The following CDK12 variants were observed in gnomAD, a reference collection of about 807,000 sequenced individuals.
The protein encoded by CDK12 is cyclin-dependent kinase 12.
CDK12 carries 17 observed loss-of-function variants against 133.8 expected under a neutral mutation model. That is an observed-to-expected ratio of 0.13 (90% CI 0.09 to 0.19). The LOEUF (loss-of-function observed/expected upper bound fraction) is 0.19. Among genes scored for constraint, CDK12 ranks in the 10% least tolerant of loss-of-function variants. The pLI is 1.00. For synonymous variants in CDK12, 694 were observed against 683.6 expected (o/e 1.02, Z -0.24); for missense variants, 1,508 against 1,818.7 (o/e 0.83, Z 3.11).
intron 3 of CDK12, among the ~76,000 whole-genome samples, chr17:39,491,388 C>T (rs2051588661): frequency 6.6e-6 from 1 of 152,068 alleles, no homozygotes; most frequent in Admixed American, 6.6e-5. Context: ...AGGCACGTGC[C>T]ACCACGCCAG....
At position 39,490,705 on chromosome 17, in the gene CDK12, C is replaced by T. The variant is rs1429309848; in HGVS notation, c.2080C>T (p.Pro694Ser). 6.2e-7 allele frequency: 1 copy of T among 1,611,570 alleles called. No homozygotes were observed. Among genetic ancestry groups the T allele is most frequent in the Admixed American group, 1.7e-5 (1 of 59,166 alleles). The change falls in exon 3 of 14, where the codon CCT (proline) becomes TCT (serine). Residue 694 changes from proline (P) to serine (S), a missense_variant. Transcript: ENST00000447079. ...TCCAGAACCAAAGGCAATCACACCA[C>T]CTCAGCAACCATATAAAAAGAGACC... ...DSPEPKAITPPQQPYKKRPKI... is the reference protein window; with the variant it reads ...DSPEPKAITPSQQPYKKRPKI...
chr17:39,474,651 T>C (rs964655110), intron 2 of CDK12, among the ~76,000 whole-genome samples: 1 of 151,998 alleles, frequency 6.6e-6, no homozygotes, highest in Non-Finnish European at 1.5e-5. Context: ...ATTGCAGCCC[T>C]CTGGGTGAGA....
rs1567677231 is a variant in CDK12, at chr17:39,466,615, G to GGAAAA, written c.1046+3498_1046+3499insGAAAA. On this transcript the variant is annotated intron_variant, in intron 1 of 13. Coordinates refer to ENST00000447079, the MANE Select transcript of CDK12 (RefSeq NM_016507.4). Reference sequence around the variant, plus strand: ...GGGCAACAAGAGTGAAACTCTATCTGAAAAAAAAAAAAAAAAAAAAAAAAA... The same window carrying GGAAAA: ...GGGCAACAAGAGTGAAACTCTATCTGGAAAAAAAAAAAAAAAAAAAAAAAAAAAAA... Among the ~76,000 whole-genome samples the GGAAAA allele has an allele frequency of 6.4e-5, 2 of 31,434 alleles. 1 individual carries two copies. Among genetic ancestry groups the GGAAAA allele is most frequent in the Non-Finnish European group, 1.2e-4 (2 of 16,764 alleles). 20.6% of individuals were successfully genotyped at this position (31,434 alleles called of 152,430 possible).
At chr17:39,494,036 A>C (rs1056056348) in intron 4 of CDK12, among the ~76,000 whole-genome samples, 1 of 152,068 alleles carries the variant, frequency 6.6e-6, no homozygotes, top group African/African-American at 2.4e-5. Context: ...AATTAAAGCC[A>C]GGAAAGGGAA....
chr17:39,461,872 C>T lies in CDK12; in HGVS notation c.-200C>T, dbSNP rs935641945. 1.2e-5 allele frequency: 7 copies of T among 590,748 alleles called. No homozygotes were observed. The highest frequency in any genetic ancestry group is 1.1e-4 in the African/African-American group (6 of 53,682). The allele number at this position is 590,748 out of a possible 1,614,324, so 36.6% of individuals were successfully genotyped here. ...GCCGAGGAACTCTCATTTCTTCCCT[C>T]GCTCCTTCACCCCCCACCTCATGTA... On this transcript the variant is annotated 5_prime_UTR_variant, in exon 1 of 14. Coordinates refer to ENST00000447079, the MANE Select transcript of CDK12 (RefSeq NM_016507.4).
At chr17:39,520,225 T>TA in intron 11 of CDK12, 138 bp downstream of exon 11, 1 of 850,726 alleles carries the variant, frequency 1.2e-6, no homozygotes, top group East Asian at 2.6e-5. Context: ...AGGTTTGTTT[T>TA]TTTTGTTTTA....
intron 2 of CDK12, among the ~76,000 whole-genome samples, chr17:39,490,002 G>C (rs796704769): frequency 3.2e-4 from 49 of 151,588 alleles, no homozygotes; most frequent in African/African-American, 1.1e-3. Context: ...TTAAGAGTTT[G>C]ATAAAGGGAA....
At position 39,471,440 on chromosome 17, in the gene CDK12, A is replaced by G. The variant is rs776908131; in HGVS notation, c.1608A>G (p.Pro536=). The G allele has an allele frequency of 7.8e-7, 1 of 1,281,656 alleles. No homozygotes were observed. The highest frequency in any genetic ancestry group is 3.7e-5 in the East Asian group (1 of 26,828). The allele number at this position is 1,281,656 out of a possible 1,614,324, so 79.4% of individuals were successfully genotyped here. ...CTCTTCCCACAATTGCTTCTCCCCC[A>G]CCCCCTCTACCAACTACTACCCCTC... ...PPPLPTIASP[P]PPLPTTTPPP... The change falls in exon 2 of 14, where the codon CCA becomes CCG. Residue 536 remains proline (P), a synonymous_variant. Transcript: ENST00000447079.
At position 39,471,336 on chromosome 17, in the gene CDK12, G is replaced by A; in HGVS notation, c.1504G>A (p.Asp502Asn). Residue 502 changes from aspartate to asparagine, a missense_variant, in exon 2 of 14, where the codon GAC becomes AAC. This residue lies in a region of CDK12 where 347 missense variants were observed against 330.8 expected (regional missense o/e 1.05). Transcript: ENST00000447079. ...AGATTTGAAAGCACAGGGAACAAGA[G>A]ACTCTAAACCCATAGCACTGAAAGA... ...VKDLKAQGTR[D>N]SKPIALKEEI... 1.2e-6 allele frequency: 2 copies of A among 1,614,002 alleles called. No homozygotes were observed. The highest frequency in any genetic ancestry group is 1.7e-6 in the Non-Finnish European group (2 of 1,179,934).
intron 11 of CDK12, 30 bp from the exon 12 acceptor site, chr17:39,524,644 A>G (rs1156661873): frequency 3.8e-6 from 6 of 1,584,032 alleles, no homozygotes; most frequent in African/African-American, 1.3e-5. Context: ...ATTCCCTTAC[A>G]TATTTCCCCT....
chr17:39,499,670 T>C (rs1358813142), intron 5 of CDK12, among the ~76,000 whole-genome samples: 1 of 151,456 alleles, frequency 6.6e-6, no homozygotes, highest in Non-Finnish European at 1.5e-5. Context: ...CTATCATGCC[T>C]GGCTAATTTT....
In CDK12 at chr17:39,519,003, G is replaced by A. The variant is rs1598147884; in HGVS notation, c.2964-953G>A. Among the ~76,000 whole-genome samples the A allele has an allele frequency of 3.9e-5, 6 of 152,254 alleles. No individual in the cohort carries two copies. In the South Asian group the frequency reaches 1.2e-3, roughly 32 times the overall value. On this transcript the variant is annotated intron_variant, in intron 10 of 13. Coordinates refer to ENST00000447079, the MANE Select transcript of CDK12 (RefSeq NM_016507.4). ...TGCAACCTCCGCCTCCTGGGTTTAA[G>A]TGATTCTCCTGCCTTAGCCTCCTGA... is the stretch of plus-strand genomic sequence containing the variant.
At chr17:39,526,746 C>G (rs1271516055) in intron 13 of CDK12, among the ~76,000 whole-genome samples, 2 of 152,104 alleles carry the variant, frequency 1.3e-5, no homozygotes, top group African/African-American at 4.8e-5. Flanking sequence ...CCAGTCTTTC[C>G]TGGAAGATAC....
At position 39,462,424 on chromosome 17, in the gene CDK12, G is replaced by A. The variant is rs1014209082; in HGVS notation, c.353G>A (p.Arg118His). ...AAACATCGTCACCACCAGCACAGGC[G>A]TTCCCGGGACTTACTAAAAGCTAAA... ...LHKHRHHQHR[R>H]SRDLLKAKQT... Residue 118 changes from arginine to histidine, a missense_variant, in exon 1 of 14, where the codon CGT (arginine) becomes CAT (histidine). By Grantham distance (29) the Arg-to-His change is conservative. Coordinates refer to ENST00000447079, the MANE Select transcript of CDK12 (RefSeq NM_016507.4). 1.9e-6 allele frequency: 3 copies of A among 1,613,952 alleles called. No homozygotes were observed. The highest frequency in any genetic ancestry group is 1.3e-5 in the African/African-American group (1 of 74,900).
intron 13 of CDK12, 111 bp from the exon 14 acceptor site, chr17:39,530,493 A>T: frequency 7.0e-7 from 1 of 1,419,586 alleles, no homozygotes; most frequent in Non-Finnish European, 9.3e-7. Flanking sequence ...TATTCTTTAT[A>T]TATCTGGTTA....
intron 6 of CDK12, 37 bp from the exon 7 acceptor site, chr17:39,509,668 C>T: frequency 6.5e-7 from 1 of 1,527,972 alleles, no homozygotes; most frequent in Non-Finnish European, 9.1e-7. Context: ...GAGGCCACTG[C>T]TATGGCTTAT....
At chr17:39,487,289 C>A (rs1425663340) in intron 2 of CDK12, among the ~76,000 whole-genome samples, 1 of 152,090 alleles carries the variant, frequency 6.6e-6, no homozygotes, top group African/African-American at 2.4e-5. Flanking sequence ...GATTTATGTT[C>A]TTATATTTTG....
chr17:39,514,534 G>A lies in CDK12; in HGVS notation c.2769-1197G>A, dbSNP rs145467914. 3.7e-3 allele frequency among the ~76,000 whole-genome samples: 568 copies of A among 152,056 alleles called. 3 individuals are homozygous for A. Among genetic ancestry groups the A allele is most frequent in the Non-Finnish European group, 5.2e-3 (352 of 68,002 alleles). On this transcript the variant is annotated intron_variant, in intron 8 of 13. Coordinates refer to ENST00000447079, the MANE Select transcript of CDK12 (RefSeq NM_016507.4). ...ATATTCATGTAATCTTTGAGATGTG[G>A]TCTTCCTATGTTGCCAGGCTGGTCT...
At chr17:39,528,954 T>A (rs764417757) in intron 13 of CDK12, among the ~76,000 whole-genome samples, 1 of 152,246 alleles carries the variant, frequency 6.6e-6, no homozygotes, top group Admixed American at 6.5e-5. Flanking sequence ...TCATTACTTG[T>A]AGTCCAGTTT....
Sources: allele counts gnomAD v4.1 joint callset (sites outside exome capture counted in the v4.1 genomes callset), GRCh38; gene constraint gnomAD v4.1.1; regional missense constraint gnomAD v4.1.1; transcripts MANE v1.5; gene names NCBI Gene and HGNC (gene_info 2026-07-23, HGNC 2026-07-21).